The following DNAJC12 variants were observed in gnomAD, a reference collection of about 807,000 sequenced individuals.
The protein encoded by DNAJC12 is dnaJ homolog subfamily C member 12.
A neutral mutation model predicts 28.5 loss-of-function variants in DNAJC12; 25 were observed. The observed-to-expected ratio is 0.88, with a 90% CI of 0.64 to 1.22. The LOEUF is 1.22. DNAJC12 is among the 50% of genes most tolerant of loss of function. The pLI, the probability that DNAJC12 is intolerant of heterozygous loss-of-function variation, is 0.00. For missense variants in DNAJC12, 222 were observed against 231.7 expected (o/e 0.96, Z 0.27); for synonymous variants, 77 against 80.6 (o/e 0.95, Z 0.24).
At chr10:67,813,867 GAA>G in intron 2 of DNAJC12, among the ~76,000 whole-genome samples, 1 of 151,542 alleles carries the variant, frequency 6.6e-6, no homozygotes, top group South Asian at 2.1e-4. Flanking sequence ...CTAAATAAAT[GAA>G]AAGACATCCC....
rs781123113 is a variant in DNAJC12, at chr10:67,797,196, T to C, written c.517A>G (p.Asn173Asp). 8.2e-5 allele frequency: 132 copies of C among 1,613,678 alleles called. No individual in the cohort carries two copies. Among genetic ancestry groups the C allele is most frequent in the South Asian group, 9.9e-5 (9 of 91,014 alleles). Residue 173 changes from asparagine to aspartate, a missense_variant, in exon 5 of 5, where the codon AAT becomes GAT. Coordinates refer to ENST00000225171, the MANE Select transcript of DNAJC12 (RefSeq NM_021800.3). ...CAGCGGAAACGAAGGTGCCAACCATTCACATCTGCAAAACCTTTAAAGGAA... is the reference window on the plus strand; with the variant it reads ...CAGCGGAAACGAAGGTGCCAACCATCCACATCTGCAAAACCTTTAAAGGAA... ...NSDSSGFADV[N>D]GWHLRFRWSK...
chr10:67,835,274 A>G (rs527300827), intron 1 of DNAJC12, among the ~76,000 whole-genome samples: 20 of 152,358 alleles, frequency 1.3e-4, no homozygotes, highest in African/African-American at 4.3e-4. Context: ...GGTTAATTTT[A>G]GAGCATCAAA....
At chr10:67,832,020 C>T (rs1160969789) in intron 1 of DNAJC12, among the ~76,000 whole-genome samples, 1 of 152,200 alleles carries the variant, frequency 6.6e-6, no homozygotes, top group Non-Finnish European at 1.5e-5. Context: ...AATCCCAACA[C>T]TTTGAGAGGC....
At chr10:67,834,423 A>G (rs1054075532) in intron 1 of DNAJC12, among the ~76,000 whole-genome samples, 1 of 152,194 alleles carries the variant, frequency 6.6e-6, no homozygotes, top group African/African-American at 2.4e-5. Flanking sequence ...AACCACCACA[A>G]CTTAGCGCTC....
At chr10:67,798,371 G>A (rs1841700785) in intron 4 of DNAJC12, among the ~76,000 whole-genome samples, 1 of 151,898 alleles carries the variant, frequency 6.6e-6, no homozygotes, top group Non-Finnish European at 1.5e-5. Context: ...ATATTTATGT[G>A]AAATTTTTTT....
intron 4 of DNAJC12, among the ~76,000 whole-genome samples, chr10:67,797,521 C>T (rs202231832): frequency 6.6e-6 from 1 of 151,290 alleles, no homozygotes; most frequent in East Asian, 2.0e-4. Context: ...ACAAATTACA[C>T]AGTTTTCAAA....
At chr10:67,830,615 AAATAAAT>A (rs1842084259) in intron 1 of DNAJC12, among the ~76,000 whole-genome samples, 3 of 71,820 alleles carry the variant, frequency 4.2e-5, no homozygotes, top group African/African-American at 1.3e-4. Context: ...CTCAAAAAAT[AAATAAAT>A]AAATAAATAA....
intron 2 of DNAJC12, among the ~76,000 whole-genome samples, chr10:67,814,202 C>G (rs1841891409): frequency 6.6e-6 from 1 of 151,924 alleles, no homozygotes; most frequent in Non-Finnish European, 1.5e-5. Flanking sequence ...AGAAACAAAC[C>G]CTTACATTTA....
intron 3 of DNAJC12, among the ~76,000 whole-genome samples, chr10:67,809,456 ACATATT>A (rs1215788128): frequency 1.3e-5 from 2 of 152,212 alleles, no homozygotes; most frequent in African/African-American, 4.8e-5. Flanking sequence ...TAAATCGCCA[ACATATT>A]CATTGACCTG....
At chr10:67,798,923 C>A (rs1160988257) in intron 4 of DNAJC12, among the ~76,000 whole-genome samples, 1 of 152,008 alleles carries the variant, frequency 6.6e-6, no homozygotes, top group East Asian at 1.9e-4. Context: ...AGCCACCACA[C>A]CCGGCTAATT....
In DNAJC12 at chr10:67,805,648, T is replaced by C. The variant is rs1001565145; in HGVS notation, c.437A>G (p.Lys146Arg). Residue 146 changes from lysine (K) to arginine (R), a missense_variant, in exon 4 of 5, where the codon AAA becomes AGA. Coordinates refer to ENST00000225171, the MANE Select transcript of DNAJC12 (RefSeq NM_021800.3). ...KKEELASTAE[K>R]TEQKEPKPLE... Reference sequence around the variant, plus strand: ...GGGCTTGGGTTCTTTCTGCTCCGTTTTCTCTGCGGTTGAAGCCAGCTCCTC... The same window carrying C: ...GGGCTTGGGTTCTTTCTGCTCCGTTCTCTCTGCGGTTGAAGCCAGCTCCTC... The C allele has an allele frequency of 1.5e-5, 24 of 1,613,690 alleles. No individual in the cohort carries two copies. The highest frequency in any genetic ancestry group is 2.0e-5 in the Non-Finnish European group (24 of 1,179,920).
rs932899778 is a variant in DNAJC12 at position 67,811,602 on chromosome 10, G to T, written c.219C>A (p.Ala73=). ...GGCTCCTTCGCCAGTGGTCATAGCG[G>T]GCTCGACTCTCTTCATTGGTCAGAA... is the stretch of plus-strand genomic sequence containing the variant. ...KEILTNEESR[A]RYDHWRRSQM... is the part of the protein sequence containing the mutation. The change falls in exon 3 of 5, where the codon GCC becomes GCA. Residue 73 remains alanine, a synonymous_variant. Coordinates refer to ENST00000225171, the MANE Select transcript of DNAJC12 (RefSeq NM_021800.3). 39 of 1,614,030 alleles carry T rather than the reference G, an allele frequency of 2.4e-5. No homozygotes were observed. Among genetic ancestry groups the T allele is most frequent in the Non-Finnish European group, 3.1e-5 (36 of 1,180,026 alleles).
At chr10:67,810,115 G>A (rs371609800) in intron 3 of DNAJC12, among the ~76,000 whole-genome samples, 28 of 152,186 alleles carry the variant, frequency 1.8e-4, no homozygotes, top group East Asian at 3.9e-4. Flanking sequence ...CAATCATGGC[G>A]GAAGGTGAAG....
rs1472069609 is a variant in DNAJC12 at position 67,815,515 on chromosome 10, A to AAG, written c.158-3853_158-3852insCT. ...AAGAACAATACTTCGTCTCAAAAAAAAAAAAAAAAAAAGAAAAGAAAAAAA... is the reference window on the plus strand; with the variant it reads ...AAGAACAATACTTCGTCTCAAAAAAAAGAAAAAAAAAAAAGAAAAGAAAAAAA... On this transcript the variant is annotated intron_variant, in intron 2 of 4. Coordinates refer to ENST00000225171, the MANE Select transcript of DNAJC12 (RefSeq NM_021800.3). Among the ~76,000 whole-genome samples, 3 of 150,642 alleles carry AAG rather than the reference A, an allele frequency of 2.0e-5. No homozygotes were observed. In the East Asian group the frequency reaches 6.3e-4, roughly 32 times the overall value.
chr10:67,831,070 C>G (rs1307612200), intron 1 of DNAJC12, among the ~76,000 whole-genome samples: 1 of 152,116 alleles, frequency 6.6e-6, no homozygotes, highest in Non-Finnish European at 1.5e-5. Context: ...TGCCTGTAGT[C>G]CCAGCTACTT....
intron 4 of DNAJC12, among the ~76,000 whole-genome samples, chr10:67,800,209 G>T (rs1589601169): frequency 8.9e-6 from 1 of 111,864 alleles, no homozygotes; most frequent in African/African-American, 3.6e-5. Context: ...GTGACAGAGA[G>T]AGACTCTATC....
intron 4 of DNAJC12, among the ~76,000 whole-genome samples, chr10:67,804,058 T>C (rs1564857868): frequency 6.6e-6 from 1 of 152,232 alleles, no homozygotes; most frequent in Non-Finnish European, 1.5e-5. Flanking sequence ...TGAATACAAG[T>C]GTTCTAGGGT....
intron 4 of DNAJC12, among the ~76,000 whole-genome samples, chr10:67,803,127 A>G (rs1841764591): frequency 1.3e-5 from 2 of 152,006 alleles, no homozygotes; most frequent in Admixed American, 1.3e-4. Context: ...GGTGTGAGCC[A>G]CTGCGCCTGG....
At chr10:67,832,381 G>C (rs1329272311) in intron 1 of DNAJC12, among the ~76,000 whole-genome samples, 1 of 151,538 alleles carries the variant, frequency 6.6e-6, no homozygotes, top group Non-Finnish European at 1.5e-5. Context: ...CAAAATTCCA[G>C]ATATTAGCAA....
Sources: gnomAD v4.1 joint callset for allele counts (sites outside exome capture counted in the v4.1 genomes callset) on GRCh38, gnomAD v4.1.1 for gene constraint, MANE v1.5 for transcripts, NCBI Gene and HGNC (gene_info 2026-07-23, HGNC 2026-07-21) for gene names.